ARHGEF38: variants seen among roughly 807,000 people sequenced by gnomAD.
The protein encoded by ARHGEF38 is Rho guanine nucleotide exchange factor (GEF) 38.
Under a neutral mutation model 79.9 loss-of-function variants are expected in ARHGEF38, and 79 were observed. The ratio of observed to expected loss-of-function variants is 0.99; its 90% CI spans 0.82 to 1.19. ARHGEF38 has a LOEUF of 1.19. Among genes scored for constraint, ARHGEF38 ranks in the 50% most tolerant of loss-of-function variants. ARHGEF38 has a pLI of 0.00. For synonymous variants in ARHGEF38, 366 were observed against 328.3 expected, an observed-to-expected ratio of 1.11 and a Z score of -1.24; for missense variants, 962 against 907.2, an observed-to-expected ratio of 1.06 and a Z score of -0.78.
intron 10 of ARHGEF38, among the ~76,000 whole-genome samples, chr4:105,661,739 A>T (rs916046004): frequency 2.0e-5 from 3 of 152,052 alleles, no homozygotes; most frequent in Non-Finnish European, 2.9e-5. Flanking sequence ...CCCCATAAAG[A>T]TCACTCATGA....
At position 105,627,937 on chromosome 4, in the gene ARHGEF38, G is replaced by A. The variant is rs1729015968; in HGVS notation, c.509-2961G>A. Among the ~76,000 whole-genome samples the A allele has an allele frequency of 2.0e-5, 3 of 152,058 alleles. No individual in the cohort carries two copies. The South Asian group carries it at 6.2e-4, about 32-fold the overall frequency. ...CTGCCAGTGTTGTACTTGGCCTTTG[G>A]GGGAATAAATGACTTTCAATTAGAG... On this transcript the variant is annotated intron_variant, in intron 3 of 13. Coordinates refer to ENST00000420470, the MANE Select transcript of ARHGEF38 (RefSeq NM_001242729.2).
In ARHGEF38 at chr4:105,648,854, C is replaced by T. The variant is rs1267990275; in HGVS notation, c.1008+172C>T. Among the ~76,000 whole-genome samples, 8 of 151,048 alleles carry T rather than the reference C, an allele frequency of 5.3e-5. No homozygotes were observed. In the East Asian group the frequency reaches 1.6e-3, roughly 29 times the overall value. ...TCTCTCTCTCTCTCTCTCTTTCTCT[C>T]TCTCTCTCTCTCTCTCTGGAAAACA... On this transcript the variant is annotated intron_variant, in intron 7 of 13. Coordinates refer to ENST00000420470, the MANE Select transcript of ARHGEF38 (RefSeq NM_001242729.2).
At chr4:105,631,770 A>G (rs771155110) in intron 4 of ARHGEF38, 301 of 763,558 alleles carry the variant, frequency 3.9e-4, no homozygotes, top group Non-Finnish European at 4.6e-4. Flanking sequence ...ATTCTTTTAA[A>G]TGGAATTGGT....
At chr4:105,609,148 G>A (rs770926575) in intron 2 of ARHGEF38, among the ~76,000 whole-genome samples, 74 of 151,996 alleles carry the variant, frequency 4.9e-4, no homozygotes, top group Admixed American at 4.6e-4. Flanking sequence ...CAGGTCTTAC[G>A]TTTAAGTCTT....
At position 105,561,389 on chromosome 4, in the gene ARHGEF38, ATAGAG is replaced by A. The variant is rs1346928037; in HGVS notation, c.196+8433_196+8437del. Among the ~76,000 whole-genome samples the A allele has an allele frequency of 2.2e-4, 3 of 13,354 alleles. 1 individual carries two copies. Among genetic ancestry groups the A allele is most frequent in the East Asian group, 1.9e-3 (1 of 514 alleles). The allele number at this position is 13,354 out of a possible 152,430, so 8.8% of individuals were successfully genotyped here. A position where few individuals can be genotyped will look rare whatever the true frequency, so the allele number is the denominator to read the frequency against. On this transcript the variant is annotated intron_variant, in intron 1 of 13. Coordinates refer to ENST00000420470, the MANE Select transcript of ARHGEF38 (RefSeq NM_001242729.2). The stretch of plus-strand genomic sequence containing the variant: ...TGCACTCCAGCCTGGAGTCTCAAAA[ATAGAG>A]TAGAATAATAGAATAGAATAGAATA...
intron 13 of ARHGEF38, among the ~76,000 whole-genome samples, chr4:105,676,609 T>A (rs994678440): frequency 6.6e-6 from 1 of 152,208 alleles, no homozygotes; most frequent in Non-Finnish European, 1.5e-5. Context: ...ATCTTATGAT[T>A]TTGTTGGAAG....
intron 1 of ARHGEF38, among the ~76,000 whole-genome samples, chr4:105,573,802 A>G (rs1726353102): frequency 6.6e-6 from 1 of 151,956 alleles, no homozygotes; most frequent in East Asian, 1.9e-4. Context: ...GAATCTGTAA[A>G]TCACTTTGGG....
At chr4:105,675,221 C>A (rs942109724) in intron 13 of ARHGEF38, among the ~76,000 whole-genome samples, 1 of 152,110 alleles carries the variant, frequency 6.6e-6, no homozygotes, top group Non-Finnish European at 1.5e-5. Context: ...AGAAATGGAC[C>A]AAGCACAGGA....
intron 1 of ARHGEF38, among the ~76,000 whole-genome samples, chr4:105,553,197 T>C (rs1480957773): frequency 6.6e-6 from 1 of 152,040 alleles, no homozygotes; most frequent in East Asian, 1.9e-4. Flanking sequence ...GCTGTGTTTT[T>C]CTTTTTTTTT....
intron 13 of ARHGEF38, among the ~76,000 whole-genome samples, chr4:105,673,573 T>C (rs1347485735): frequency 6.6e-6 from 1 of 152,148 alleles, no homozygotes; most frequent in Admixed American, 6.6e-5. Context: ...AGTCAGCTTA[T>C]TAACATGAAG....
At chr4:105,645,508 C>T (rs1729801530) in intron 6 of ARHGEF38, 121 bp downstream of exon 6, 2 of 830,310 alleles carry the variant, frequency 2.4e-6, no homozygotes. Context: ...TTGAAATCTA[C>T]AATTAGAAGC....
chr4:105,633,363 C>T (rs189037612), intron 4 of ARHGEF38, among the ~76,000 whole-genome samples: 2 of 152,132 alleles, frequency 1.3e-5, no homozygotes, highest in African/African-American at 4.8e-5. Context: ...ATCGAGCTAA[C>T]CTTTAAATTC....
intron 1 of ARHGEF38, chr4:105,570,085 G>A (rs1204462273): frequency 6.6e-6 from 1 of 152,138 alleles, no homozygotes; most frequent in African/African-American, 2.4e-5. Context: ...TCGGAGCTAA[G>A]CACATAAAGT....
At chr4:105,562,773 C>T (rs947721210) in intron 1 of ARHGEF38, among the ~76,000 whole-genome samples, 2 of 152,076 alleles carry the variant, frequency 1.3e-5, no homozygotes, top group Admixed American at 6.6e-5. Context: ...ATTGGGTTTC[C>T]GACTTGCAAA....
intron 9 of ARHGEF38, among the ~76,000 whole-genome samples, chr4:105,656,732 G>C (rs139898447): frequency 6.6e-6 from 1 of 152,198 alleles, no homozygotes; most frequent in Non-Finnish European, 1.5e-5. Flanking sequence ...TGGCCTTTTG[G>C]TGGAGGATGT....
chr4:105,679,422 C>A lies in ARHGEF38; in HGVS notation c.*1485C>A. 6.3e-7 allele frequency: 1 copy of A among 1,583,368 alleles called. No homozygotes were observed. Among genetic ancestry groups the A allele is most frequent in the Non-Finnish European group, 8.7e-7 (1 of 1,154,612 alleles). Reference sequence around the variant, plus strand: ...ACTATTCAGCTTTCTAAGTTCTTTCCAAGCACAGCTGACATCCTGTATTTC... The same window carrying A: ...ACTATTCAGCTTTCTAAGTTCTTTCAAAGCACAGCTGACATCCTGTATTTC... On this transcript the variant is annotated 3_prime_UTR_variant, in exon 14 of 14. Transcript: ENST00000420470.
chr4:105,632,844 G>A (rs779129370), intron 4 of ARHGEF38: 57 of 152,276 alleles, frequency 3.7e-4, no homozygotes, highest in Non-Finnish European at 7.1e-4. Flanking sequence ...GGAGCAGTCT[G>A]TTCAGAGAGG....
intron 1 of ARHGEF38, among the ~76,000 whole-genome samples, chr4:105,576,352 A>G (rs1353618672): frequency 6.7e-6 from 1 of 150,220 alleles, no homozygotes; most frequent in East Asian, 1.9e-4. Flanking sequence ...CTCTTTGTAG[A>G]GAATTTTCAC....
intron 11 of ARHGEF38, 99 bp downstream of exon 11, chr4:105,666,419 A>C: frequency 4.1e-6 from 5 of 1,234,502 alleles, no homozygotes; most frequent in Non-Finnish European, 5.4e-6. Flanking sequence ...TCTCATTCTA[A>C]TATCCTATAA....
Sources: allele counts gnomAD v4.1 joint callset (sites outside exome capture counted in the v4.1 genomes callset), GRCh38; gene constraint gnomAD v4.1.1; transcripts MANE v1.5; gene names NCBI Gene and HGNC (gene_info 2026-07-23, HGNC 2026-07-21).